PI4KA: variants seen among roughly 807,000 people sequenced by gnomAD.
PI4KA encodes phosphatidylinositol 4-kinase alpha, also known as PI4-kinase alpha.
Under a neutral mutation model 271.4 loss-of-function variants are expected in PI4KA, and 122 were observed. That is an observed-to-expected ratio of 0.45 (90% CI 0.39 to 0.52). The LOEUF (loss-of-function observed/expected upper bound fraction) is 0.52. PI4KA is among the 20% of genes least tolerant of loss of function. The pLI is 0.00. For synonymous variants in PI4KA, 1,041 were observed against 1,078.8 expected, an observed-to-expected ratio of 0.96 and a Z score of 0.69; for missense variants, 1,969 against 2,769.1, an observed-to-expected ratio of 0.71 and a Z score of 6.48.
Position 20,848,237 on chromosome 22 carries a change from C to CAAGAAAAAAAAAAAAAAAA in PI4KA, c.157-9507_157-9506insTTTTTTTTTTTTTTTTCTT. ...TGGGTGACAGAGCGAGACTCCATCT[C>CAAGAAAAAAAAAAAAAAAA]AAAAAAAAAAAAAAAAAAAAAAAGG... On this transcript the variant is annotated intron_variant, in intron 1 of 54. Transcript: ENST00000255882. Among the ~76,000 whole-genome samples, 2 of 51,226 alleles carry CAAGAAAAAAAAAAAAAAAA rather than the reference C, an allele frequency of 3.9e-5. 1 individual carries two copies. The highest frequency in any genetic ancestry group is 7.8e-5 in the Non-Finnish European group (2 of 25,488). The allele number at this position is 51,226 out of a possible 152,430, so 33.6% of individuals were successfully genotyped here.
intron 22 of PI4KA, among the ~76,000 whole-genome samples, 178 bp from the exon 23 acceptor site, chr22:20,761,564 T>C (rs552581729): frequency 2.3e-4 from 35 of 152,202 alleles, no homozygotes; most frequent in Non-Finnish European, 4.7e-4. Flanking sequence ...TACATTCCCA[T>C]ATTTTTCACT....
At chr22:20,791,828 CG>C (rs1569038597) in intron 19 of PI4KA, among the ~76,000 whole-genome samples, 2 of 152,086 alleles carry the variant, frequency 1.3e-5, no homozygotes, top group African/African-American at 4.8e-5. Context: ...AGGCCGGGCG[CG>C]GCAGCTCATA....
intron 32 of PI4KA, among the ~76,000 whole-genome samples, chr22:20,740,726 CCGGCTG>C (rs1166826185): frequency 6.6e-6 from 1 of 152,162 alleles, no homozygotes; most frequent in East Asian, 1.9e-4. Context: ...ATATGGAGGG[CCGGCTG>C]TACTGAGAAA....
In PI4KA at chr22:20,727,469, C is replaced by T. The variant is rs1051924873; in HGVS notation, c.4774-72G>A. On this transcript the variant is annotated intron_variant, in intron 40 of 54. Transcript: ENST00000255882. ...CTCTGGAAATACCTGGTCCACGGGCCACACAAGGACGGCCATGAGAAGTGA... is the reference window on the plus strand; with the variant it reads ...CTCTGGAAATACCTGGTCCACGGGCTACACAAGGACGGCCATGAGAAGTGA... 2.2e-6 allele frequency: 3 copies of T among 1,364,318 alleles called. No homozygotes were observed. In the African/African-American group the frequency reaches 4.4e-5, roughly 20 times the overall value. The allele number at this position is 1,364,318 out of a possible 1,614,324, so 84.5% of individuals were successfully genotyped here.
chr22:20,858,767 T>A lies in PI4KA; in HGVS notation c.-42A>T. 7.3e-7 allele frequency: 1 copy of A among 1,370,740 alleles called. No individual in the cohort carries two copies. Among genetic ancestry groups the A allele is most frequent in the Non-Finnish European group, 9.4e-7 (1 of 1,058,312 alleles). The allele number at this position is 1,370,740 out of a possible 1,614,324, so 84.9% of individuals were successfully genotyped here. Reference sequence around the variant, plus strand: ...GCGCTGCCCGCCGGCTCCCCGCTCCTGGCCCGCGAGCGCCCGACCTCAGGG... The same window carrying A: ...GCGCTGCCCGCCGGCTCCCCGCTCCAGGCCCGCGAGCGCCCGACCTCAGGG... On this transcript the variant is annotated 5_prime_UTR_variant, in exon 1 of 55. Transcript: ENST00000255882.
chr22:20,858,747 G>GC lies in PI4KA; in HGVS notation c.-23dup. 1 of 1,369,044 alleles carries GC rather than the reference G, an allele frequency of 7.3e-7. No homozygotes were observed. The highest frequency in any genetic ancestry group is 9.4e-7 in the Non-Finnish European group (1 of 1,059,584). 84.8% of individuals were successfully genotyped at this position (1,369,044 alleles called of 1,614,324 possible). A position where few individuals can be genotyped will look rare whatever the true frequency, so the allele number is the denominator to read the frequency against. ...CCATCACCTCACGAGCCGCGGCGCT[G>GC]CCCGCCGGCTCCCCGCTCCTGGCCC... On this transcript the variant is annotated 5_prime_UTR_variant, in exon 1 of 55. The change creates a premature stop within an existing upstream ORF in the 5' untranslated region. Transcript: ENST00000255882.
chr22:20,727,018 C>T (rs1258619202), intron 41 of PI4KA, among the ~76,000 whole-genome samples: 1 of 152,064 alleles, frequency 6.6e-6, no homozygotes, highest in Admixed American at 6.6e-5. Flanking sequence ...TTAACTCAAA[C>T]GCCTCACTAG....
Position 20,799,129 on chromosome 22 carries a change from A to C in PI4KA, c.1968T>G (p.Ile656Met). ...CQPPSPLDVL[I>M]IDQLGCLVIT... is the part of the protein sequence containing the mutation. ...TAACCAGGCAGCCCAGCTGGTCAAT[A>C]ATCAGCACATCGAGGGGGGAGGGTG... Residue 656 changes from isoleucine to methionine, a missense_variant, in exon 16 of 55, where the codon ATT (isoleucine) becomes ATG (methionine). Coordinates refer to ENST00000255882, the MANE Select transcript of PI4KA (RefSeq NM_058004.4). The C allele has an allele frequency of 6.2e-7, 1 of 1,613,602 alleles. No individual in the cohort carries two copies. The highest frequency in any genetic ancestry group is 8.5e-7 in the Non-Finnish European group (1 of 1,179,854).
intron 19 of PI4KA, chr22:20,780,301 T>A: frequency 5.7e-6 from 9 of 1,566,094 alleles, no homozygotes; most frequent in Non-Finnish European, 7.9e-6. Flanking sequence ...CTATAATTTA[T>A]CCAGGAAAAC....
At chr22:20,756,356 G>A in intron 23 of PI4KA, among the ~76,000 whole-genome samples, 1 of 151,004 alleles carries the variant, frequency 6.6e-6, no homozygotes, top group East Asian at 1.9e-4. Context: ...GAGTAGGTGG[G>A]ATTACAGGCA....
At chr22:20,831,572 CACAA>C (rs1924165564) in intron 3 of PI4KA, among the ~76,000 whole-genome samples, 1 of 145,924 alleles carries the variant, frequency 6.9e-6, no homozygotes, top group Non-Finnish European at 1.5e-5. Context: ...TTTCTCAAAA[CACAA>C]ACAAAAACAA....
At chr22:20,804,081 G>A (rs1935498518) in intron 12 of PI4KA, among the ~76,000 whole-genome samples, 2 of 152,228 alleles carry the variant, frequency 1.3e-5, no homozygotes, top group Admixed American at 6.5e-5. Context: ...GAAGCCAGCT[G>A]CACCCATATG....
chr22:20,775,519 C>G (rs1011208830), intron 19 of PI4KA, among the ~76,000 whole-genome samples: 1 of 152,176 alleles, frequency 6.6e-6, no homozygotes, highest in Admixed American at 6.5e-5. Flanking sequence ...ACATGCATGT[C>G]TTTACTCTGC....
chr22:20,805,241 G>A (rs1307795020), intron 10 of PI4KA, 76 bp from the exon 11 acceptor site: 2 of 1,028,064 alleles, frequency 1.9e-6, no homozygotes, highest in African/African-American at 1.6e-5. Context: ...AGCGGCTACA[G>A]TCTTCCCCTT....
At chr22:20,733,274 G>A (rs978930314) in intron 35 of PI4KA, among the ~76,000 whole-genome samples, 176 bp from the exon 36 acceptor site, 3 of 149,932 alleles carry the variant, frequency 2.0e-5, no homozygotes, top group Non-Finnish European at 4.5e-5. Flanking sequence ...GTGGTGGCTC[G>A]GGAGCCCTCT....
At chr22:20,740,828 C>CA (rs1186055546) in intron 32 of PI4KA, among the ~76,000 whole-genome samples, 1 of 152,066 alleles carries the variant, frequency 6.6e-6, no homozygotes, top group East Asian at 1.9e-4. Context: ...AACAATAAAA[C>CA]AAAAAACTAT....
Position 20,709,920 on chromosome 22 carries a change from A to T in PI4KA, c.6161T>A (p.Ile2054Asn). The stretch of plus-strand genomic sequence containing the variant: ...CCAAGGAACCTACTTCAAGAGCTTG[A>T]TTGTCTGGCCGCGAAAACAGGGCAG... The part of the protein sequence containing the change: ...TGLPCFRGQT[I>N]KLLKHRFSPN... Residue 2054 changes from isoleucine to asparagine, a missense_variant, in exon 53 of 55, where the codon ATC (isoleucine) becomes AAC (asparagine). Around this residue, in one of 13 missense-constraint regions of PI4KA, gnomAD observed 110 missense variants for 349.8 expected, o/e 0.31. Transcript: ENST00000255882. The T allele has an allele frequency of 6.2e-7, 1 of 1,608,994 alleles. No homozygotes were observed. The highest frequency in any genetic ancestry group is 8.5e-7 in the Non-Finnish European group (1 of 1,175,504).
intron 1 of PI4KA, among the ~76,000 whole-genome samples, chr22:20,848,786 T>C (rs1376483418): frequency 6.6e-6 from 1 of 151,930 alleles, no homozygotes; most frequent in African/African-American, 2.4e-5. Flanking sequence ...CAGTGGTTTC[T>C]TAGATACAAC....
rs538327544 is a variant in PI4KA at position 20,780,775 on chromosome 22, C to CAAAAAAAAAAAAAAAAAAAAAAAAAAAA, written c.2328+12417_2328+12418insTTTTTTTTTTTTTTTTTTTTTTTTTTTT. ...TGGACGACAGAGTGAGACTCCATCT[C>CAAAAAAAAAAAAAAAAAAAAAAAAAAAA]AAAAAAAAAAAAAAAAGAAGTAAAA... On this transcript the variant is annotated intron_variant, in intron 19 of 54. Coordinates refer to ENST00000255882, the MANE Select transcript of PI4KA (RefSeq NM_058004.4). 7.1e-4 allele frequency among the ~76,000 whole-genome samples: 48 copies of CAAAAAAAAAAAAAAAAAAAAAAAAAAAA among 67,646 alleles called. 1 individual carries two copies. Among genetic ancestry groups the CAAAAAAAAAAAAAAAAAAAAAAAAAAAA allele is most frequent in the East Asian group, 1.4e-3 (3 of 2,178 alleles). The allele number at this position is 67,646 out of a possible 152,430, so 44.4% of individuals were successfully genotyped here.
Sources: allele counts gnomAD v4.1 joint callset (sites outside exome capture counted in the v4.1 genomes callset), GRCh38; gene constraint gnomAD v4.1.1; regional missense constraint gnomAD v4.1.1; transcripts MANE v1.5; gene names NCBI Gene and HGNC (gene_info 2026-07-23, HGNC 2026-07-21).